The following TEX36 variants were observed in gnomAD, a reference collection of about 807,000 sequenced individuals.
TEX36 encodes the protein testis-expressed protein 36.
Under a neutral mutation model 13.6 loss-of-function variants are expected in TEX36, and 12 were observed. That is an observed-to-expected ratio of 0.88 (90% CI 0.56 to 1.43). The LOEUF is 1.43. Among genes scored for constraint, TEX36 ranks in the 40% most tolerant of loss-of-function variants. The pLI, the probability that TEX36 is intolerant of heterozygous loss-of-function variation, is 0.00. For synonymous variants in TEX36, 93 were observed against 83.0 expected, an observed-to-expected ratio of 1.12 and a Z score of -0.65; for missense variants, 224 against 228.3, an observed-to-expected ratio of 0.98 and a Z score of 0.12.
intron 1 of TEX36, among the ~76,000 whole-genome samples, chr10:125,680,496 T>G (rs1466817921): frequency 6.6e-6 from 1 of 152,158 alleles, no homozygotes; most frequent in African/African-American, 2.4e-5. Flanking sequence ...GCGGTGAAAT[T>G]TTTGCTTCGT....
chr10:125,642,577 G>A (rs1846707202), intron 3 of TEX36, among the ~76,000 whole-genome samples: 1 of 152,190 alleles, frequency 6.6e-6, no homozygotes, highest in African/African-American at 2.4e-5. Context: ...TTAGTTGTAT[G>A]TATTTCCTAA....
At chr10:125,595,706 C>T (rs77226399) in intron 3 of TEX36, among the ~76,000 whole-genome samples, 2,391 of 152,264 alleles carry the variant, frequency 0.016, 28 homozygotes, top group African/African-American at 0.03. Flanking sequence ...GGCTCACTCC[C>T]GCCTTTCTTG....
intron 3 of TEX36, among the ~76,000 whole-genome samples, chr10:125,626,033 T>G (rs1846485905): frequency 6.6e-6 from 1 of 152,140 alleles, no homozygotes; most frequent in South Asian, 2.1e-4. Context: ...GAGAACGACC[T>G]CACCCAAGGT....
intron 3 of TEX36, among the ~76,000 whole-genome samples, chr10:125,638,064 C>A (rs1450423108): frequency 6.6e-6 from 1 of 152,042 alleles, no homozygotes; most frequent in South Asian, 2.1e-4. Flanking sequence ...CTCTCCACCT[C>A]CCTCACTCAC....
chr10:125,637,345 T>C (rs1412365086), intron 3 of TEX36, among the ~76,000 whole-genome samples: 1 of 152,106 alleles, frequency 6.6e-6, no homozygotes, highest in Non-Finnish European at 1.5e-5. Flanking sequence ...CAGTGTGTCT[T>C]CTTATGTGTC....
At chr10:125,597,843 C>A (rs1846100104) in intron 3 of TEX36, among the ~76,000 whole-genome samples, 1 of 152,158 alleles carries the variant, frequency 6.6e-6, no homozygotes, top group African/African-American at 2.4e-5. Flanking sequence ...AAAAACAACT[C>A]AAGGACATAT....
At chr10:125,667,388 T>C (rs372854920) in intron 1 of TEX36, 4 of 652,978 alleles carry the variant, frequency 6.1e-6, no homozygotes, top group African/African-American at 5.4e-5. Flanking sequence ...GATCTCAGGC[T>C]CCGCAATGGG....
chr10:125,630,765 G>A (rs1375621938), intron 3 of TEX36, among the ~76,000 whole-genome samples: 17 of 152,122 alleles, frequency 1.1e-4, no homozygotes, highest in Non-Finnish European at 1.6e-4. Flanking sequence ...GAGGGTTGAC[G>A]TCCCCTCCCC....
chr10:125,648,313 GAA>G (rs1846803070), intron 3 of TEX36, among the ~76,000 whole-genome samples: 1 of 152,242 alleles, frequency 6.6e-6, no homozygotes, highest in Admixed American at 6.5e-5. Flanking sequence ...GCTTCCAGAG[GAA>G]GGATCAGGCA....
intron 3 of TEX36, among the ~76,000 whole-genome samples, chr10:125,649,708 G>C (rs533214142): frequency 6.6e-6 from 1 of 152,306 alleles, no homozygotes; most frequent in African/African-American, 2.4e-5. Flanking sequence ...TGGCAAATTG[G>C]ATAAAGAGTC....
At chr10:125,655,477 T>G (rs929311505), downstream of TEX36, among the ~76,000 whole-genome samples, 1 of 152,156 alleles carries the variant, frequency 6.6e-6, no homozygotes, top group African/African-American at 2.4e-5. Flanking sequence ...TATTTTGCAC[T>G]GTGTAACATA....
intron 3 of TEX36, among the ~76,000 whole-genome samples, chr10:125,613,996 CATT>C (rs1256663238): frequency 6.6e-6 from 1 of 152,184 alleles, no homozygotes; most frequent in East Asian, 1.9e-4. Flanking sequence ...GATGGTATCT[CATT>C]GTGGTTTTGA....
rs5788710 is a variant in TEX36 at position 125,633,364 on chromosome 10, AC to A, written c.265-11720del. ...GATATTTGGTTGAATTTCTTGGGCT[AC>A]AGCTGATTTGCTTGACATTGGACAC... On this transcript the variant is annotated intron_variant, in intron 3 of 3. Coordinates refer to the TEX36 transcript ENST00000526819. 1.8e-3 allele frequency among the ~76,000 whole-genome samples: 267 copies of A among 152,350 alleles called. 2 individuals are homozygous for A. Among genetic ancestry groups the A allele is most frequent in the Admixed American group, 0.016 (244 of 15,302 alleles).
At chr10:125,647,372 T>C (rs141737188) in intron 3 of TEX36, among the ~76,000 whole-genome samples, 56 of 152,308 alleles carry the variant, frequency 3.7e-4, no homozygotes, top group African/African-American at 1.3e-3. Context: ...CAAAGCAAGA[T>C]GTTAACAGTA....
intron 3 of TEX36, among the ~76,000 whole-genome samples, chr10:125,588,594 T>C (rs1317440540): frequency 5.0e-5 from 1 of 19,954 alleles, no homozygotes; most frequent in Non-Finnish European, 7.8e-5. Context: ...AGGCTCTTGG[T>C]TTGTTTGTTT....
chr10:125,637,070 G>A (rs1387642747), intron 3 of TEX36, among the ~76,000 whole-genome samples: 3 of 152,006 alleles, frequency 2.0e-5, no homozygotes, highest in African/African-American at 7.3e-5. Context: ...GGGAGGCAGA[G>A]GCAAGCAAAT....
At chr10:125,618,699 C>T (rs1367006309), downstream of TEX36, among the ~76,000 whole-genome samples, 1 of 152,042 alleles carries the variant, frequency 6.6e-6, no homozygotes, top group Non-Finnish European at 1.5e-5. Flanking sequence ...TAGTGCAGGT[C>T]CTGCCCACCC....
intron 1 of TEX36, among the ~76,000 whole-genome samples, chr10:125,663,532 C>T (rs1424221567): frequency 6.6e-6 from 1 of 152,072 alleles, no homozygotes; most frequent in Admixed American, 6.5e-5. Flanking sequence ...ATAAGAGTTC[C>T]CTTCTCTCCC....
intron 3 of TEX36, among the ~76,000 whole-genome samples, chr10:125,659,059 C>T (rs1216056306): frequency 3.3e-5 from 5 of 151,846 alleles, no homozygotes; most frequent in Admixed American, 3.3e-4. Flanking sequence ...AAAATCTACC[C>T]AAGAAGAGAT....
Sources: gnomAD v4.1 joint callset for allele counts (sites outside exome capture counted in the v4.1 genomes callset) on GRCh38, gnomAD v4.1.1 for gene constraint, MANE v1.5 for transcripts, NCBI Gene and HGNC (gene_info 2026-07-23, HGNC 2026-07-21) for gene names.